The following SLC9A9 variants were observed in gnomAD, a reference collection of about 807,000 sequenced individuals.
SLC9A9 encodes sodium/hydrogen exchanger 9.
In SLC9A9, 62 loss-of-function variants were observed where a neutral mutation model predicts 77.8. The ratio of observed to expected loss-of-function variants is 0.80; its 90% CI spans 0.65 to 0.98. SLC9A9 has a LOEUF of 0.98. Among genes scored for constraint, SLC9A9 ranks in the 50% least tolerant of loss-of-function variants. The pLI, the probability that SLC9A9 is intolerant of heterozygous loss-of-function variation, is 0.00. For missense variants in SLC9A9, 775 were observed against 774.9 expected (o/e 1.00, Z 0.00); for synonymous variants, 320 against 283.5 (o/e 1.13, Z -1.29).
chr3:143,489,967 G>A (rs1576531713), intron 11 of SLC9A9, among the ~76,000 whole-genome samples: 1 of 152,120 alleles, frequency 6.6e-6, no homozygotes, highest in East Asian at 1.9e-4. Context: ...AGGGCAATGA[G>A]CTATTACTTC....
intron 4 of SLC9A9, among the ~76,000 whole-genome samples, chr3:143,712,669 G>A (rs912831425): frequency 6.6e-6 from 1 of 152,078 alleles, no homozygotes; most frequent in Non-Finnish European, 1.5e-5. Flanking sequence ...GGATTCTTTA[G>A]TTCTTCCAGC....
In SLC9A9 at chr3:143,592,188, G is replaced by A. The variant is rs2037657139; in HGVS notation, c.756-13465C>T. Among the ~76,000 whole-genome samples, 3 of 152,230 alleles carry A rather than the reference G, an allele frequency of 2.0e-5. No homozygotes were observed. The South Asian group carries it at 6.2e-4, about 32-fold the overall frequency. On this transcript the variant is annotated intron_variant, in intron 6 of 15. Coordinates refer to ENST00000316549, the MANE Select transcript of SLC9A9 (RefSeq NM_173653.4). Reference sequence around the variant, plus strand: ...GCAAATGGTAACTGGCAGAAAGTGAGACAAGAGGAAGAATTGAATAATCAG... The same window carrying A: ...GCAAATGGTAACTGGCAGAAAGTGAAACAAGAGGAAGAATTGAATAATCAG...
chr3:143,811,565 GCCCGGCACAGTGGCTCACACC>G (rs2008864989), intron 2 of SLC9A9, among the ~76,000 whole-genome samples: 1 of 152,082 alleles, frequency 6.6e-6, no homozygotes. Flanking sequence ...GTGTTCACTG[GCCCGGCACAGTGGCTCACACC>G]TATAATCCCA....
chr3:143,585,211 A>G (rs1192153622), intron 6 of SLC9A9, among the ~76,000 whole-genome samples: 1 of 152,138 alleles, frequency 6.6e-6, no homozygotes, highest in Non-Finnish European at 1.5e-5. Flanking sequence ...AGTGCCTGTC[A>G]CCCCTCAGGA....
intron 5 of SLC9A9, among the ~76,000 whole-genome samples, chr3:143,669,304 A>G (rs2039123167): frequency 2.0e-5 from 3 of 152,152 alleles, no homozygotes; most frequent in Admixed American, 6.5e-5. Context: ...TGACTTTCAA[A>G]ACTTCCATCC....
At chr3:143,634,724 CTT>C in intron 6 of SLC9A9, among the ~76,000 whole-genome samples, 1 of 152,200 alleles carries the variant, frequency 6.6e-6, no homozygotes, top group Non-Finnish European at 1.5e-5. Flanking sequence ...ATGGAGAACT[CTT>C]TGTCTACAAT....
At position 143,453,911 on chromosome 3, in the gene SLC9A9, C is replaced by A. The variant is rs59631208; in HGVS notation, c.1469+13126G>T. On this transcript the variant is annotated intron_variant, in intron 12 of 15. Coordinates refer to ENST00000316549, the MANE Select transcript of SLC9A9 (RefSeq NM_173653.4). Reference sequence around the variant, plus strand: ...TTTGGAAAGTGAATGACATTGGGTGCCCATATGAAAGGGTTTGAAGGAGGA... The same window carrying A: ...TTTGGAAAGTGAATGACATTGGGTGACCATATGAAAGGGTTTGAAGGAGGA... 7.7e-3 allele frequency among the ~76,000 whole-genome samples: 1,178 copies of A among 152,170 alleles called. 21 individuals are homozygous for A. The highest frequency in any genetic ancestry group is 0.027 in the African/African-American group (1,122 of 41,496).
intron 4 of SLC9A9, among the ~76,000 whole-genome samples, chr3:143,707,490 C>G (rs1364695407): frequency 2.0e-5 from 3 of 152,050 alleles, no homozygotes; most frequent in Non-Finnish European, 2.9e-5. Flanking sequence ...TGTTTTTCTT[C>G]TACTTGTTAC....
intron 12 of SLC9A9, among the ~76,000 whole-genome samples, chr3:143,425,264 C>CTTTTT (rs200568656): frequency 3.0e-5 from 3 of 98,538 alleles, no homozygotes; most frequent in South Asian, 3.7e-4. Context: ...TGAGGCTTAG[C>CTTTTT]TTTTTTTTTT....
intron 14 of SLC9A9, among the ~76,000 whole-genome samples, chr3:143,288,877 C>G (rs926710209): frequency 6.6e-6 from 1 of 152,186 alleles, no homozygotes; most frequent in African/African-American, 2.4e-5. Flanking sequence ...ACTATCAAAG[C>G]AAGTTAAAGC....
intron 3 of SLC9A9, 29 bp from the exon 4 acceptor site, chr3:143,795,106 G>A (rs1375169966): frequency 1.3e-6 from 2 of 1,578,730 alleles, no homozygotes; most frequent in Non-Finnish European, 1.7e-6. Flanking sequence ...ATTTAATAGA[G>A]TACATCAGAA....
intron 12 of SLC9A9, among the ~76,000 whole-genome samples, chr3:143,440,699 C>G (rs1454650070): frequency 6.6e-6 from 1 of 152,244 alleles, no homozygotes; most frequent in Non-Finnish European, 1.5e-5. Flanking sequence ...TGTAGTGATA[C>G]TCTCTTTGAT....
chr3:143,437,585 A>G (rs2034646359), intron 12 of SLC9A9, among the ~76,000 whole-genome samples: 1 of 152,244 alleles, frequency 6.6e-6, no homozygotes. Context: ...TAGAGGCCCG[A>G]GGCCGCTCAA....
chr3:143,431,782 C>T (rs1198948042), intron 12 of SLC9A9, among the ~76,000 whole-genome samples: 2 of 152,078 alleles, frequency 1.3e-5, no homozygotes, highest in East Asian at 1.9e-4. Flanking sequence ...GTATGATCTT[C>T]CCACCCCTCT....
intron 9 of SLC9A9, among the ~76,000 whole-genome samples, 160 bp downstream of exon 9, chr3:143,552,202 C>T (rs1278456702): frequency 6.6e-6 from 1 of 152,076 alleles, no homozygotes; most frequent in East Asian, 1.9e-4. Context: ...AATGGTTATC[C>T]TGGAGGGAAA....
At chr3:143,835,768 G>C (rs927696488) in intron 1 of SLC9A9, among the ~76,000 whole-genome samples, 13 of 152,226 alleles carry the variant, frequency 8.5e-5, no homozygotes, top group African/African-American at 2.7e-4. Context: ...ACTCTTGTTG[G>C]TAAACCATGA....
chr3:143,803,836 T>C lies in SLC9A9; in HGVS notation c.379-6933A>G, dbSNP rs555026815. Among the ~76,000 whole-genome samples, 12 of 152,184 alleles carry C rather than the reference T, an allele frequency of 7.9e-5. No homozygotes were observed. In the South Asian group the frequency reaches 2.5e-3, roughly 32 times the overall value. On this transcript the variant is annotated intron_variant, in intron 2 of 15. Coordinates refer to ENST00000316549, the MANE Select transcript of SLC9A9 (RefSeq NM_173653.4). ...CATACAGACTGGGCGACATCTCCTG[T>C]CTCCCTAAACCTGAACTTCCTTTAA... is the stretch of plus-strand genomic sequence containing the variant.
chr3:143,758,068 A>C (rs1393119242), intron 4 of SLC9A9, among the ~76,000 whole-genome samples: 1 of 151,916 alleles, frequency 6.6e-6, no homozygotes, highest in East Asian at 1.9e-4. Flanking sequence ...AATTTGAGAA[A>C]CTCTACATTT....
chr3:143,297,019 A>G (rs974545851), intron 14 of SLC9A9, among the ~76,000 whole-genome samples: 3 of 152,094 alleles, frequency 2.0e-5, no homozygotes, highest in African/African-American at 7.2e-5. Context: ...GAAGCCTTTG[A>G]CTGTGATATA....
Sources: gnomAD v4.1 joint callset for allele counts (sites outside exome capture counted in the v4.1 genomes callset) on GRCh38, gnomAD v4.1.1 for gene constraint, MANE v1.5 for transcripts, NCBI Gene and HGNC (gene_info 2026-07-23, HGNC 2026-07-21) for gene names.